ABCG1: variants seen among roughly 807,000 people sequenced by gnomAD.
The protein encoded by ABCG1 is ATP-binding cassette sub-family G member 1.
Under a neutral mutation model 69.2 loss-of-function variants are expected in ABCG1, and 29 were observed. The observed-to-expected ratio is 0.42, with a 90% CI of 0.31 to 0.57. ABCG1 has a LOEUF of 0.57. Ranked by LOEUF, ABCG1 falls within the 20% of genes least tolerant of loss-of-function variation. The probability of loss-of-function intolerance (pLI) is 0.15; values close to 1 mark genes in which losing one functional copy is unlikely to be tolerated. For missense variants in ABCG1, 718 were observed against 898.1 expected (o/e 0.80, Z 2.56); for synonymous variants, 370 against 374.8 (o/e 0.99, Z 0.15).
At chr21:42,254,709 G>A (rs760652218) in intron 2 of ABCG1, among the ~76,000 whole-genome samples, 4 of 152,270 alleles carry the variant, frequency 2.6e-5, no homozygotes, top group Admixed American at 6.5e-5. Flanking sequence ...AAATGTCACT[G>A]GATGTCATAG....
At chr21:42,215,375 A>G (rs2067628865), upstream of ABCG1, among the ~76,000 whole-genome samples, 1 of 152,232 alleles carries the variant, frequency 6.6e-6, no homozygotes, top group Non-Finnish European at 1.5e-5. Context: ...CTGGAAGTCC[A>G]CAGAAATAAA....
At chr21:42,211,708 T>A (rs1166495023), upstream of ABCG1, among the ~76,000 whole-genome samples, 3 of 150,304 alleles carry the variant, frequency 2.0e-5, no homozygotes, top group Non-Finnish European at 4.4e-5. Context: ...GGCGAAATCC[T>A]GTCTCTACTA....
Position 42,296,825 on chromosome 21 carries a change from T to A in ABCG1, c.*433T>A, listed in dbSNP as rs544511496. On this transcript the variant is annotated 3_prime_UTR_variant, in exon 15 of 15. Transcript: ENST00000398449. The surrounding 1 kb of genome is among the most constrained non-coding windows in gnomAD (Gnocchi z 5.4). ...TGTCTGGTGGCAGAGAGTCCGAGCA[T>A]GGAGCGATTCCATTTTATGACTGTT... is the stretch of plus-strand genomic sequence containing the variant. 16 of 194,398 alleles carry A rather than the reference T, an allele frequency of 8.2e-5. No homozygotes were observed. Among genetic ancestry groups the A allele is most frequent in the Admixed American group, 2.6e-4 (5 of 19,146 alleles). The allele number at this position is 194,398 out of a possible 1,614,324, so 12.0% of individuals were successfully genotyped here.
At chr21:42,212,458 T>C (rs1307577458), upstream of ABCG1, among the ~76,000 whole-genome samples, 1 of 151,974 alleles carries the variant, frequency 6.6e-6, no homozygotes, top group Admixed American at 6.6e-5. Flanking sequence ...GGCCACTCTG[T>C]TGAGGTGTCA....
intron 2 of ABCG1, among the ~76,000 whole-genome samples, chr21:42,209,887 T>G (rs1293823519): frequency 6.6e-6 from 1 of 152,180 alleles, no homozygotes; most frequent in Non-Finnish European, 1.5e-5. Flanking sequence ...AACGAGTTTG[T>G]TTAAAGAGCC....
At chr21:42,275,140 GGGCAGT>G (rs2068687796) in intron 4 of ABCG1, among the ~76,000 whole-genome samples, 1 of 152,178 alleles carries the variant, frequency 6.6e-6, no homozygotes, top group South Asian at 2.1e-4. Context: ...GGCACGTGAA[GGGCAGT>G]GCCAAGGGGT....
chr21:42,200,651 T>G (rs2067499350), intron 1 of ABCG1, among the ~76,000 whole-genome samples: 1 of 150,720 alleles, frequency 6.6e-6, no homozygotes, highest in Non-Finnish European at 1.5e-5. Context: ...TGCAGTGGCA[T>G]GATCTCGGCT....
chr21:42,212,813 C>G (rs1369763464), upstream of ABCG1, among the ~76,000 whole-genome samples: 1 of 151,772 alleles, frequency 6.6e-6, no homozygotes, highest in Non-Finnish European at 1.5e-5. Context: ...CCTGCCTCAG[C>G]CTCCCGAGTA....
intron 2 of ABCG1, chr21:42,256,421 A>C: frequency 6.5e-7 from 1 of 1,549,144 alleles, no homozygotes; most frequent in Non-Finnish European, 8.7e-7. Context: ...CCCTACTCAC[A>C]CCTTCCTGTC....
chr21:42,291,626 G>A lies in ABCG1; in HGVS notation c.1623G>A (p.Leu541=). The A allele has an allele frequency of 6.2e-7, 1 of 1,606,540 alleles. No individual in the cohort carries two copies. The highest frequency in any genetic ancestry group is 1.1e-5 in the South Asian group (1 of 91,046). The change falls in exon 13 of 15, where the codon CTG becomes CTA. Residue 541 remains leucine (L), a synonymous_variant. Transcript: ENST00000398449. The surrounding 1 kb of genome is among the most constrained non-coding windows in gnomAD (Gnocchi z 6.4). ...MTSLVAQSLG[L]LIGAASTSLQ... is the part of the protein sequence containing the mutation. The stretch of plus-strand genomic sequence containing the variant: ...CCCTGGTGGCACAGTCCCTGGGCCT[G>A]CTGATCGGAGCCGCCTCCACGTCCC...
chr21:42,280,458 T>C (rs1368090425), intron 5 of ABCG1, among the ~76,000 whole-genome samples: 4 of 152,232 alleles, frequency 2.6e-5, no homozygotes, highest in Non-Finnish European at 5.9e-5. Context: ...AGATCCTCCC[T>C]GGAGCGCCCG....
At chr21:42,206,956 G>A (rs956070184) in intron 2 of ABCG1, 4 of 150,282 alleles carry the variant, frequency 2.7e-5, no homozygotes, top group Non-Finnish European at 4.4e-5. Flanking sequence ...TGAGAAATAT[G>A]CTGTCATGTA....
rs762166563 is a variant in ABCG1, at chr21:42,282,257, C to T, written c.589-17C>T. 43 of 1,608,026 alleles carry T rather than the reference C, an allele frequency of 2.7e-5. No homozygotes were observed. The highest frequency in any genetic ancestry group is 2.2e-4 in the East Asian group (10 of 44,850). On this transcript the variant is annotated splice_polypyrimidine_tract_variant and intron_variant, in intron 5 of 14. Coordinates refer to ENST00000398449, the MANE Select transcript of ABCG1 (RefSeq NM_016818.3). ...TTGGCGGGCAGCTCCCAATGTCTCT[C>T]GTTCTGTTGCCCCCAGGTCAAGGAG...
At chr21:42,204,201 G>T (rs2067526675) in intron 2 of ABCG1, among the ~76,000 whole-genome samples, 1 of 152,068 alleles carries the variant, frequency 6.6e-6, no homozygotes, top group Non-Finnish European at 1.5e-5. Context: ...AAACAGTTTT[G>T]CTTTTTTTTC....
At chr21:42,259,972 C>T (rs145575777) in intron 2 of ABCG1, 8 of 1,502,198 alleles carry the variant, frequency 5.3e-6, no homozygotes, top group Non-Finnish European at 7.1e-6. Context: ...CTTCCCCTTC[C>T]CTCCTGGTTT....
intron 5 of ABCG1, among the ~76,000 whole-genome samples, chr21:42,279,768 C>T (rs2123763383): frequency 6.6e-6 from 1 of 152,332 alleles, no homozygotes; most frequent in East Asian, 1.9e-4. Flanking sequence ...GTGCTGAAGT[C>T]ACAGCAAGCC....
rs550555342 is a variant in ABCG1, at chr21:42,296,458, A to G, written c.*66A>G. ...GCCGAGGGCACGTCTAGAATCGAGG[A>G]GGCAAGCCTGTGCCCGACCGACGAC... On this transcript the variant is annotated 3_prime_UTR_variant, in exon 15 of 15. Transcript: ENST00000398449. This position sits in a 1 kb window ranked among gnomAD's most constrained non-coding sequence, Gnocchi z 5.4. 1 of 1,455,848 alleles carries G rather than the reference A, an allele frequency of 6.9e-7. No homozygotes were observed. The highest frequency in any genetic ancestry group is 1.2e-5 in the South Asian group (1 of 86,096). 90.2% of individuals were successfully genotyped at this position (1,455,848 alleles called of 1,614,324 possible).
intron 2 of ABCG1, among the ~76,000 whole-genome samples, chr21:42,245,777 G>T (rs548513105): frequency 1.3e-5 from 2 of 152,322 alleles, no homozygotes; most frequent in South Asian, 4.1e-4. Context: ...AAAATCATCT[G>T]CACATCTAAG....
At chr21:42,272,128 G>C (rs574468723) in intron 3 of ABCG1, among the ~76,000 whole-genome samples, 5 of 152,248 alleles carry the variant, frequency 3.3e-5, no homozygotes, top group African/African-American at 1.2e-4. Context: ...CTTTTCCTTA[G>C]AGCTTCTGAA....
Sources: gnomAD v4.1 joint callset for allele counts (sites outside exome capture counted in the v4.1 genomes callset) on GRCh38, gnomAD v4.1.1 for gene constraint, Gnocchi (gnomAD v3.1) non-coding constraint, MANE v1.5 for transcripts, NCBI Gene and HGNC (gene_info 2026-07-23, HGNC 2026-07-21) for gene names.